Variants in SUMF1 observed in about 807,000 individuals in gnomAD.
The protein encoded by SUMF1 is sulfatase modifying factor 1.
SUMF1 carries 48 observed loss-of-function variants against 47.6 expected under a neutral mutation model. That is an observed-to-expected ratio of 1.01 (90% CI 0.80 to 1.28). The LOEUF (loss-of-function observed/expected upper bound fraction) is 1.28. SUMF1 is among the 50% of genes most tolerant of loss of function. SUMF1 has a pLI of 0.00. For missense variants in SUMF1, 571 were observed against 485.4 expected (o/e 1.18, Z -1.66); for synonymous variants, 230 against 192.1 (o/e 1.20, Z -1.63).
Position 4,390,686 on chromosome 3 carries a change from G to A in SUMF1, c.955-14297C>T, listed in dbSNP as rs568381893. 1.4e-3 allele frequency among the ~76,000 whole-genome samples: 219 copies of A among 152,248 alleles called. 1 individual carries two copies. Among genetic ancestry groups the A allele is most frequent in the Non-Finnish European group, 2.3e-3 (157 of 68,010 alleles). ...CAGCCTCAACTTCCTGGGCCCAGGG[G>A]ATCTTTCCACCTAAGCCTCCTGAGT... On this transcript the variant is annotated intron_variant, in intron 7 of 8. Coordinates refer to ENST00000272902, the MANE Select transcript of SUMF1 (RefSeq NM_182760.4).
Position 4,067,992 on chromosome 3 carries a change from C to T in SUMF1, c.1191+577G>A, listed in dbSNP as rs147012211. ...CAAAAATATCTTGCCTGAAGTCACA[C>T]AGCTGGAAGAGGAAGCTGAGGTTAA... On this transcript the variant is annotated intron_variant and NMD_transcript_variant, in intron 9 of 12. Coordinates refer to the SUMF1 transcript ENST00000448413. Among the ~76,000 whole-genome samples, 412 of 152,252 alleles carry T rather than the reference C, an allele frequency of 2.7e-3. 2 individuals are homozygous for T. Among genetic ancestry groups the T allele is most frequent in the Non-Finnish European group, 4.7e-3 (321 of 68,022 alleles).
chr3:4,043,523 G>T (rs1434543533), intron 9 of SUMF1, among the ~76,000 whole-genome samples: 2 of 152,012 alleles, frequency 1.3e-5, no homozygotes, highest in Non-Finnish European at 2.9e-5. Flanking sequence ...TTCACAGGAA[G>T]TCATAAGCCA....
At chr3:4,254,300 C>G (rs895033966) in intron 8 of SUMF1, among the ~76,000 whole-genome samples, 6 of 150,336 alleles carry the variant, frequency 4.0e-5, no homozygotes, top group African/African-American at 9.7e-5. Context: ...AGGCTTCAGA[C>G]GATCAAATTA....
chr3:4,357,585 A>G (rs1699648461), downstream of SUMF1, among the ~76,000 whole-genome samples: 3 of 95,982 alleles, frequency 3.1e-5, no homozygotes, highest in African/African-American at 9.7e-5. Context: ...ACTTTTATTT[A>G]TTTATTTATT....
chr3:4,384,310 C>T (rs1483968451), intron 7 of SUMF1, among the ~76,000 whole-genome samples: 1 of 152,148 alleles, frequency 6.6e-6, no homozygotes, highest in African/African-American at 2.4e-5. Flanking sequence ...TAAAAGGTAA[C>T]AGAGGAATTG....
At chr3:4,401,900 T>TTAC (rs1701224207) in intron 7 of SUMF1, among the ~76,000 whole-genome samples, 1 of 152,150 alleles carries the variant, frequency 6.6e-6, no homozygotes, top group Non-Finnish European at 1.5e-5. Flanking sequence ...TAAAAGCCCC[T>TTAC]TTCTTGAGCA....
At chr3:4,350,807 T>C (rs1032596795) in intron 8 of SUMF1, among the ~76,000 whole-genome samples, 1 of 152,156 alleles carries the variant, frequency 6.6e-6, no homozygotes, top group African/African-American at 2.4e-5. Flanking sequence ...ACAAACACTT[T>C]AGAATAACTG....
chr3:4,424,965 A>G (rs1002171321), intron 3 of SUMF1, among the ~76,000 whole-genome samples: 3 of 152,212 alleles, frequency 2.0e-5, no homozygotes, highest in African/African-American at 7.2e-5. Context: ...CAGGATGTTT[A>G]GCAGTGTCTC....
intron 6 of SUMF1, chr3:4,414,799 G>C (rs1575192406): frequency 1.3e-5 from 2 of 152,164 alleles, no homozygotes; most frequent in Non-Finnish European, 2.9e-5. Context: ...AGAGTAAATG[G>C]CTCTATATTC....
At chr3:4,326,992 T>G (rs1698959908) in intron 8 of SUMF1, among the ~76,000 whole-genome samples, 1 of 152,194 alleles carries the variant, frequency 6.6e-6, no homozygotes, top group African/African-American at 2.4e-5. Flanking sequence ...AATAACTATA[T>G]TGTTATAAGT....
At chr3:4,187,625 C>G (rs1695229031) in intron 8 of SUMF1, among the ~76,000 whole-genome samples, 1 of 152,086 alleles carries the variant, frequency 6.6e-6, no homozygotes, top group African/African-American at 2.4e-5. Flanking sequence ...AGTGAAAAAT[C>G]AAAGTTGTTC....
intron 8 of SUMF1, among the ~76,000 whole-genome samples, chr3:4,205,386 C>T (rs1559563579): frequency 6.6e-6 from 1 of 152,166 alleles, no homozygotes; most frequent in Non-Finnish European, 1.5e-5. Flanking sequence ...GTGAAATAAA[C>T]AGCCATGTTG....
chr3:4,186,543 G>C (rs1223205597), intron 8 of SUMF1, among the ~76,000 whole-genome samples: 2 of 152,094 alleles, frequency 1.3e-5, no homozygotes, highest in Non-Finnish European at 2.9e-5. Flanking sequence ...ATATGGCCTA[G>C]AGTAAGTGGA....
In SUMF1 at chr3:4,118,730, T is replaced by A. The variant is rs781540700; in HGVS notation, c.1015-49985A>T. Reference sequence around the variant, plus strand: ...CTTGAGAAGTATGTAACATTTGTCATGTGACCACTCCCCAACCCTCCCTTA... The same window carrying A: ...CTTGAGAAGTATGTAACATTTGTCAAGTGACCACTCCCCAACCCTCCCTTA... On this transcript the variant is annotated intron_variant and NMD_transcript_variant, in intron 8 of 12. Transcript: ENST00000448413. Among the ~76,000 whole-genome samples, 18 of 152,104 alleles carry A rather than the reference T, an allele frequency of 1.2e-4. 1 individual carries two copies. The highest frequency in any genetic ancestry group is 1.9e-4 in the Non-Finnish European group (13 of 68,018).
intron 2 of SUMF1, among the ~76,000 whole-genome samples, chr3:4,450,469 C>T (rs1176466109): frequency 6.6e-6 from 1 of 152,136 alleles, no homozygotes; most frequent in Admixed American, 6.6e-5. Context: ...TAATCTTCTT[C>T]CTGCATTCCC....
intron 8 of SUMF1, among the ~76,000 whole-genome samples, chr3:4,085,845 T>A (rs1054961018): frequency 6.6e-6 from 1 of 151,216 alleles, no homozygotes; most frequent in Non-Finnish European, 1.5e-5. Flanking sequence ...ACACCTTTCC[T>A]ACAAAAATAG....
At chr3:4,362,980 C>G (rs1164063388) in intron 8 of SUMF1, among the ~76,000 whole-genome samples, 1 of 152,040 alleles carries the variant, frequency 6.6e-6, no homozygotes, top group Non-Finnish European at 1.5e-5. Flanking sequence ...GTGGTATGAC[C>G]ACAGTGTAGA....
At chr3:4,366,607 A>G (rs1394475318) in intron 8 of SUMF1, among the ~76,000 whole-genome samples, 1 of 151,100 alleles carries the variant, frequency 6.6e-6, no homozygotes, top group Middle Eastern at 3.2e-3. Flanking sequence ...TATTCTAGTT[A>G]TACATTCGTC....
At chr3:4,144,022 G>A (rs998330379) in intron 8 of SUMF1, among the ~76,000 whole-genome samples, 3 of 136,942 alleles carry the variant, frequency 2.2e-5, no homozygotes, top group South Asian at 4.5e-4. Flanking sequence ...ACAGGGTCTC[G>A]CTCTGTCACC....
Sources: gnomAD v4.1 joint callset for allele counts (sites outside exome capture counted in the v4.1 genomes callset) on GRCh38, gnomAD v4.1.1 for gene constraint, MANE v1.5 for transcripts, NCBI Gene and HGNC (gene_info 2026-07-23, HGNC 2026-07-21) for gene names.